Variants in ANKS1B observed in about 807,000 individuals in gnomAD.
The protein encoded by ANKS1B is ankyrin repeat and sterile alpha motif domain-containing protein 1B.
A neutral mutation model predicts 148.3 loss-of-function variants in ANKS1B; 36 were observed. The observed-to-expected ratio is 0.24, with a 90% CI of 0.19 to 0.32. The LOEUF (loss-of-function observed/expected upper bound fraction) is 0.32. Ranked by LOEUF, ANKS1B falls within the 10% of genes least tolerant of loss-of-function variation. The probability of loss-of-function intolerance (pLI) is 1.00; values close to 1 mark genes in which losing one functional copy is unlikely to be tolerated. For synonymous variants in ANKS1B, 542 were observed against 560.8 expected, an observed-to-expected ratio of 0.97 and a Z score of 0.47; for missense variants, 1,157 against 1,542.6, an observed-to-expected ratio of 0.75 and a Z score of 4.19.
chr12:99,767,776 C>T (rs1231739516), intron 8 of ANKS1B, among the ~76,000 whole-genome samples: 3 of 152,000 alleles, frequency 2.0e-5, no homozygotes, highest in African/African-American at 4.8e-5. Context: ...AAAATGTATG[C>T]AAGACAAAAT....
intron 12 of ANKS1B, among the ~76,000 whole-genome samples, chr12:99,254,867 G>T (rs1306854167): frequency 6.6e-6 from 1 of 152,170 alleles, no homozygotes; most frequent in African/African-American, 2.4e-5. Flanking sequence ...GATAAACTCA[G>T]TGTGGTCATA....
intron 9 of ANKS1B, among the ~76,000 whole-genome samples, chr12:99,523,496 C>A (rs921319468): frequency 2.0e-5 from 3 of 150,922 alleles, no homozygotes; most frequent in South Asian, 4.2e-4. Flanking sequence ...TACTAAGTAG[C>A]AAACTCTCTG....
chr12:98,901,377 G>A (rs1194711998), intron 17 of ANKS1B, among the ~76,000 whole-genome samples: 4 of 152,196 alleles, frequency 2.6e-5, no homozygotes, highest in Non-Finnish European at 5.9e-5. Flanking sequence ...CTGAGGTCAG[G>A]ACTCTGGACA....
At chr12:99,813,181 G>A (rs1367368621) in intron 2 of ANKS1B, among the ~76,000 whole-genome samples, 1 of 151,298 alleles carries the variant, frequency 6.6e-6, no homozygotes, top group East Asian at 1.9e-4. Flanking sequence ...ATCCCCACCA[G>A]GTTTTCAAAG....
intron 17 of ANKS1B, chr12:98,894,928 C>G: frequency 1.1e-6 from 1 of 909,338 alleles, no homozygotes; most frequent in Non-Finnish European, 1.3e-6. Flanking sequence ...GCGTGCCCCC[C>G]ACCCCCCGCC....
intron 12 of ANKS1B, among the ~76,000 whole-genome samples, chr12:99,399,230 C>T (rs1204406063): frequency 6.6e-6 from 1 of 152,090 alleles, no homozygotes. Flanking sequence ...AGGTTGAAAG[C>T]CAGCCTAGGC....
intron 14 of ANKS1B, chr12:99,154,871 C>G: frequency 6.5e-7 from 1 of 1,534,436 alleles, no homozygotes; most frequent in Non-Finnish European, 8.7e-7. Context: ...ATTACCCAGC[C>G]CAGGCTACAC....
chr12:98,952,590 C>A (rs1386668816), intron 17 of ANKS1B, among the ~76,000 whole-genome samples: 1 of 152,154 alleles, frequency 6.6e-6, no homozygotes, highest in Non-Finnish European at 1.5e-5. Context: ...CCTCGGCGAT[C>A]AATACCTGCC....
intron 1 of ANKS1B, among the ~76,000 whole-genome samples, chr12:99,870,107 T>G (rs2091310572): frequency 6.6e-6 from 1 of 152,188 alleles, no homozygotes; most frequent in Non-Finnish European, 1.5e-5. Context: ...CTCCCCTTTC[T>G]AGTAGTCCCC....
At chr12:99,854,145 G>A (rs2088554041) in intron 1 of ANKS1B, among the ~76,000 whole-genome samples, 1 of 152,156 alleles carries the variant, frequency 6.6e-6, no homozygotes, top group South Asian at 2.1e-4. Context: ...CCGAGTAGCT[G>A]GGACTACAGG....
chr12:99,338,463 T>C (rs555527813), intron 12 of ANKS1B, among the ~76,000 whole-genome samples: 3 of 152,114 alleles, frequency 2.0e-5, no homozygotes, highest in Non-Finnish European at 4.4e-5. Context: ...AGAAATGTCA[T>C]CTAAGAGCTA....
chr12:99,923,471 A>G (rs2094413182), intron 1 of ANKS1B, among the ~76,000 whole-genome samples: 1 of 152,212 alleles, frequency 6.6e-6, no homozygotes, highest in South Asian at 2.1e-4. Context: ...AGTAATCACT[A>G]AAGGATTTAA....
rs143515645 is a variant in ANKS1B, at chr12:99,943,247, T to C, written c.134+40857A>G. The stretch of plus-strand genomic sequence containing the variant: ...ACATCTCTTTCTTTGTTTAAGGCCA[T>C]TTAAGCCGAGCTTTTTGATAATTTC... On this transcript the variant is annotated intron_variant, in intron 1 of 26. Coordinates refer to ENST00000683438, the MANE Select transcript of ANKS1B (RefSeq NM_001352186.2). Among the ~76,000 whole-genome samples, 35 of 152,306 alleles carry C rather than the reference T, an allele frequency of 2.3e-4. No homozygotes were observed. In the East Asian group the frequency reaches 5.6e-3, roughly 24 times the overall value.
intron 12 of ANKS1B, among the ~76,000 whole-genome samples, chr12:99,270,052 C>T (rs1489674748): frequency 6.6e-6 from 1 of 152,082 alleles, no homozygotes; most frequent in African/African-American, 2.4e-5. Context: ...ATTTAACAAA[C>T]AGAGTCCCTT....
At chr12:99,277,551 T>C (rs1023867288) in intron 12 of ANKS1B, among the ~76,000 whole-genome samples, 1 of 152,218 alleles carries the variant, frequency 6.6e-6, no homozygotes, top group African/African-American at 2.4e-5. Flanking sequence ...ATGTTGAAGA[T>C]AGAACCAAAG....
At chr12:99,513,276 T>C (rs2096784872) in intron 9 of ANKS1B, among the ~76,000 whole-genome samples, 2 of 152,046 alleles carry the variant, frequency 1.3e-5, no homozygotes, top group Admixed American at 1.3e-4. Flanking sequence ...AACTACAGTA[T>C]AGTGTAAACA....
At chr12:99,365,262 A>C (rs1303188265) in intron 12 of ANKS1B, among the ~76,000 whole-genome samples, 8 of 152,230 alleles carry the variant, frequency 5.3e-5, no homozygotes, top group Non-Finnish European at 4.4e-5. Flanking sequence ...CTCAAGCCCA[A>C]AGGTCAGTGA....
intron 17 of ANKS1B, among the ~76,000 whole-genome samples, chr12:98,908,786 G>C (rs1254922861): frequency 6.6e-6 from 1 of 152,164 alleles, no homozygotes; most frequent in African/African-American, 2.4e-5. Flanking sequence ...GAGTTGGTGA[G>C]GGCGAAGCAT....
At chr12:99,914,456 G>A (rs761532894) in intron 1 of ANKS1B, among the ~76,000 whole-genome samples, 8 of 152,170 alleles carry the variant, frequency 5.3e-5, no homozygotes, top group Non-Finnish European at 7.3e-5. Flanking sequence ...TTAACTACTC[G>A]AGAAGCTTTG....
Sources: allele counts gnomAD v4.1 joint callset (sites outside exome capture counted in the v4.1 genomes callset), GRCh38; gene constraint gnomAD v4.1.1; transcripts MANE v1.5; gene names NCBI Gene and HGNC (gene_info 2026-07-23, HGNC 2026-07-21).